Variants in RBM33 observed in about 807,000 individuals in gnomAD.
The protein encoded by RBM33 is RNA-binding protein 33.
In RBM33, 28 loss-of-function variants were observed where a neutral mutation model predicts 132.6. The ratio of observed to expected loss-of-function variants is 0.21; its 90% CI spans 0.16 to 0.29. The LOEUF (loss-of-function observed/expected upper bound fraction) is 0.29. Among genes scored for constraint, RBM33 ranks in the 10% least tolerant of loss-of-function variants. The probability of loss-of-function intolerance (pLI) is 1.00; values close to 1 mark genes in which losing one functional copy is unlikely to be tolerated. For missense variants in RBM33, 1,291 were observed against 1,518.5 expected (o/e 0.85, Z 2.49); for synonymous variants, 634 against 593.0 (o/e 1.07, Z -1.01).
chr7:155,725,539 C>T lies in RBM33; in HGVS notation c.1260+7096C>T, dbSNP rs2117003844. On this transcript the variant is annotated intron_variant, in intron 9 of 17. Transcript: ENST00000401878. ...TAGAATCTGGTAAGTTGAATTGTAA[C>T]TACATAAAATTGTGACCCTCATTAA... Among the ~76,000 whole-genome samples, 2 of 152,184 alleles carry T rather than the reference C, an allele frequency of 1.3e-5. 1 individual carries two copies. The highest frequency in any genetic ancestry group is 4.2e-4 in the South Asian group (2 of 4,810).
At chr7:155,715,491 C>T (rs1169455101) in intron 8 of RBM33, among the ~76,000 whole-genome samples, 1 of 152,178 alleles carries the variant, frequency 6.6e-6, no homozygotes, top group Non-Finnish European at 1.5e-5. Flanking sequence ...AGTCAACAGC[C>T]TGGCAAGTGT....
rs971199333 is a variant in RBM33, at chr7:155,739,489, C to T, written c.1738-226C>T. On this transcript the variant is annotated intron_variant, in intron 11 of 17. Transcript: ENST00000401878. Reference sequence around the variant, plus strand: ...TCTGCATACCTAGTTTTCCTTAGGACAATTCAATCCTAGAATTACTGGATT... The same window carrying T: ...TCTGCATACCTAGTTTTCCTTAGGATAATTCAATCCTAGAATTACTGGATT... 18 of 564,066 alleles carry T rather than the reference C, an allele frequency of 3.2e-5. No homozygotes were observed. In the African/African-American group the frequency reaches 3.4e-4, roughly 11 times the overall value. 34.9% of individuals were successfully genotyped at this position (564,066 alleles called of 1,614,324 possible). A position where few individuals can be genotyped will look rare whatever the true frequency, so the allele number is the denominator to read the frequency against.
Position 155,711,274 on chromosome 7 carries a change from G to C in RBM33, c.1020G>C (p.Pro340=). The change falls in exon 8 of 18, where the codon CCG becomes CCC. Residue 340 remains proline, a synonymous_variant. Transcript: ENST00000401878. The part of the protein sequence containing the change: ...QPIRSLFQPQ[P]LQPLLPVQHP... ...TCAGAAGCCTGTTCCAGCCGCAGCC[G>C]CTGCAGCCGCTGCTTCCGGTGCAGC... 6.2e-7 allele frequency: 1 copy of C among 1,602,184 alleles called. No individual in the cohort carries two copies. The highest frequency in any genetic ancestry group is 8.5e-7 in the Non-Finnish European group (1 of 1,175,168).
rs1330116966 is a variant in RBM33, at chr7:155,777,532, A to G, written c.*2491A>G. The G allele has an allele frequency of 6.6e-6, 1 of 152,324 alleles. No individual in the cohort carries two copies. The highest frequency in any genetic ancestry group is 1.5e-5 in the Non-Finnish European group (1 of 68,046). 9.4% of individuals were successfully genotyped at this position (152,324 alleles called of 1,614,324 possible). A position where few individuals can be genotyped will look rare whatever the true frequency, so the allele number is the denominator to read the frequency against. On this transcript the variant is annotated 3_prime_UTR_variant, in exon 18 of 18. Coordinates refer to ENST00000401878, the MANE Select transcript of RBM33 (RefSeq NM_053043.3). ...AAGGAATGGTACTTAGGTGTTTGGT[A>G]TGCTGCTCACGTGAAGTCAGCCCAC...
At chr7:155,661,330 G>A (rs1053479533) in intron 1 of RBM33, among the ~76,000 whole-genome samples, 1 of 148,970 alleles carries the variant, frequency 6.7e-6, no homozygotes, top group South Asian at 2.1e-4. Flanking sequence ...GTAGAGACAG[G>A]TTTCACCATG....
chr7:155,657,760 C>T (rs894310790), intron 1 of RBM33, among the ~76,000 whole-genome samples: 10 of 152,328 alleles, frequency 6.6e-5, no homozygotes, highest in Admixed American at 3.9e-4. Context: ...AAAAAAGTCA[C>T]AAGCTAAATT....
chr7:155,713,472 C>T (rs538528873), intron 8 of RBM33, among the ~76,000 whole-genome samples: 2 of 151,718 alleles, frequency 1.3e-5, no homozygotes, highest in East Asian at 2.0e-4. Context: ...CCCCGGCACT[C>T]GACGTGGGAA....
intron 1 of RBM33, among the ~76,000 whole-genome samples, chr7:155,658,293 T>C (rs1798546461): frequency 1.3e-5 from 2 of 152,218 alleles, no homozygotes; most frequent in South Asian, 4.1e-4. Flanking sequence ...TGGTTACTAT[T>C]TGCGTGAAAT....
intron 11 of RBM33, 172 bp downstream of exon 11, chr7:155,738,575 TATCTCAATAC>T: frequency 1.5e-6 from 1 of 657,012 alleles, no homozygotes; most frequent in Non-Finnish European, 2.5e-6. Context: ...CAATGTTACT[TATCTCAATAC>T]AAGAAAAAAA....
chr7:155,730,386 A>T (rs1336041133), intron 9 of RBM33, among the ~76,000 whole-genome samples: 2 of 152,260 alleles, frequency 1.3e-5, no homozygotes, highest in African/African-American at 4.8e-5. Flanking sequence ...GAAGCTATAT[A>T]TCGTATTTAC....
chr7:155,771,381 T>C (rs1802421462), intron 16 of RBM33, among the ~76,000 whole-genome samples: 1 of 152,182 alleles, frequency 6.6e-6, no homozygotes, highest in African/African-American at 2.4e-5. Context: ...GAAAACAGGG[T>C]TTATTTCTGA....
rs1454011728 is a variant in RBM33 at position 155,739,744 on chromosome 7, G to A, written c.1767G>A (p.Pro589=). The A allele has an allele frequency of 7.1e-6, 11 of 1,545,536 alleles. No homozygotes were observed. The highest frequency in any genetic ancestry group is 4.8e-5 in the South Asian group (4 of 83,638). The part of the protein sequence containing the change: ...QGPLHPPLPP[P]HQPQPQQPQQ... Reference sequence around the variant, plus strand: ...CGTTGCATCCTCCATTGCCCCCTCCGCATCAGCCTCAGCCTCAGCAACCTC... The same window carrying A: ...CGTTGCATCCTCCATTGCCCCCTCCACATCAGCCTCAGCCTCAGCAACCTC... The change falls in exon 12 of 18, where the codon CCG becomes CCA. Residue 589 remains proline, a synonymous_variant. Transcript: ENST00000401878.
chr7:155,675,073 G>C (rs950731444), intron 3 of RBM33, among the ~76,000 whole-genome samples: 3 of 152,124 alleles, frequency 2.0e-5, no homozygotes, highest in African/African-American at 7.2e-5. Flanking sequence ...TTGGGAAGCT[G>C]AGGCAGGTGG....
At chr7:155,683,989 T>C (rs999371841) in intron 5 of RBM33, among the ~76,000 whole-genome samples, 4 of 152,200 alleles carry the variant, frequency 2.6e-5, no homozygotes, top group Non-Finnish European at 5.9e-5. Context: ...CTGAATGTCC[T>C]GCTGCCCGTG....
intron 14 of RBM33, among the ~76,000 whole-genome samples, chr7:155,763,217 G>T (rs1369314559): frequency 1.3e-5 from 2 of 152,262 alleles, no homozygotes; most frequent in Non-Finnish European, 2.9e-5. Context: ...AGGAAGGGAA[G>T]TTTCTAGCCA....
chr7:155,645,199 G>C (rs1798147874), intron 1 of RBM33: 1 of 372,050 alleles, frequency 2.7e-6, no homozygotes, highest in South Asian at 6.0e-5. Context: ...TGGCGTTGGC[G>C]GGCATTAAGT....
Position 155,774,026 on chromosome 7 carries a change from C to T in RBM33, c.3376-533C>T, listed in dbSNP as rs1458738576. On this transcript the variant is annotated intron_variant, in intron 16 of 17. Coordinates refer to ENST00000401878, the MANE Select transcript of RBM33 (RefSeq NM_053043.3). This position sits in a 1 kb window ranked among gnomAD's most constrained non-coding sequence, Gnocchi z 4.2. ...ACTCTTAAAGTACAAAATGTGACCA[C>T]GTTATGCTGATGTCTGCCCCAGGCA... Among the ~76,000 whole-genome samples, 3 of 152,212 alleles carry T rather than the reference C, an allele frequency of 2.0e-5. No homozygotes were observed. Among genetic ancestry groups the T allele is most frequent in the Admixed American group, 6.5e-5 (1 of 15,278 alleles).
chr7:155,740,480 C>G (rs1280468448), intron 12 of RBM33, among the ~76,000 whole-genome samples: 1 of 152,230 alleles, frequency 6.6e-6, no homozygotes, highest in Non-Finnish European at 1.5e-5. Context: ...AGGTGCTACT[C>G]TAGTCCTGGA....
chr7:155,705,615 G>T (rs1800091194), intron 6 of RBM33, among the ~76,000 whole-genome samples: 1 of 152,224 alleles, frequency 6.6e-6, no homozygotes, highest in Admixed American at 6.5e-5. Flanking sequence ...GGGGAAGAAG[G>T]CAGGAGAAGG....
Sources: allele counts gnomAD v4.1 joint callset (sites outside exome capture counted in the v4.1 genomes callset), GRCh38; gene constraint gnomAD v4.1.1; non-coding constraint Gnocchi (gnomAD v3.1); transcripts MANE v1.5; gene names NCBI Gene and HGNC (gene_info 2026-07-23, HGNC 2026-07-21).